The following FLVCR2 variants were observed in gnomAD, a reference collection of about 807,000 sequenced individuals.
The protein encoded by FLVCR2 is FLVCR choline and putative heme transporter 2.
FLVCR2 carries 38 observed loss-of-function variants against 48.9 expected under a neutral mutation model. The ratio of observed to expected loss-of-function variants is 0.78; its 90% CI spans 0.60 to 1.02. The LOEUF (loss-of-function observed/expected upper bound fraction) is 1.02. Among genes scored for constraint, FLVCR2 ranks in the 50% least tolerant of loss-of-function variants. The pLI is 0.00. For missense variants in FLVCR2, 664 were observed against 663.3 expected, an observed-to-expected ratio of 1.00 and a Z score of -0.01; for synonymous variants, 255 against 257.0, an observed-to-expected ratio of 0.99 and a Z score of 0.07.
chr14:75,619,724 C>T (rs1390473382), intron 1 of FLVCR2, among the ~76,000 whole-genome samples: 1 of 152,192 alleles, frequency 6.6e-6, no homozygotes, highest in African/African-American at 2.4e-5. Flanking sequence ...TACCATGAGA[C>T]AGTGTTGCTG....
At chr14:75,588,923 A>C (rs1198661279) in intron 1 of FLVCR2, among the ~76,000 whole-genome samples, 1 of 152,194 alleles carries the variant, frequency 6.6e-6, no homozygotes, top group Non-Finnish European at 1.5e-5. Flanking sequence ...GCATCAACTC[A>C]AATGCCCAAA....
intron 2 of FLVCR2, among the ~76,000 whole-genome samples, chr14:75,623,375 A>G (rs1172994929): frequency 6.6e-6 from 1 of 152,034 alleles, no homozygotes; most frequent in African/African-American, 2.4e-5. Context: ...GCTGGGTGAT[A>G]TTATATGGGC....
intron 9 of FLVCR2, among the ~76,000 whole-genome samples, chr14:75,642,641 A>G (rs1222547917): frequency 6.6e-6 from 1 of 152,250 alleles, no homozygotes; most frequent in African/African-American, 2.4e-5. Context: ...TTGTAGAATA[A>G]GTAAAAAATA....
At chr14:75,582,617 G>A (rs746619637) in intron 1 of FLVCR2, among the ~76,000 whole-genome samples, 42 of 152,124 alleles carry the variant, frequency 2.8e-4, no homozygotes, top group Non-Finnish European at 5.4e-4. Context: ...GTGTGGTCCC[G>A]GCTGTTGTGT....
rs1179859783 is a variant in FLVCR2, at chr14:75,646,362, C to A, written c.1510-39C>A. Reference sequence around the variant, plus strand: ...GCTCCAGCCAGGGTGGAGTGCTGTGCCTTTACCCACAGCACTGCCTGTTTG... The same window carrying A: ...GCTCCAGCCAGGGTGGAGTGCTGTGACTTTACCCACAGCACTGCCTGTTTG... On this transcript the variant is annotated intron_variant, in intron 9 of 9. Transcript: ENST00000238667. 6 of 1,450,678 alleles carry A rather than the reference C, an allele frequency of 4.1e-6. No individual in the cohort carries two copies. In the Admixed American group the frequency reaches 6.7e-5, roughly 16 times the overall value. 89.9% of individuals were successfully genotyped at this position (1,450,678 alleles called of 1,614,324 possible). A position where few individuals can be genotyped will look rare whatever the true frequency, so the allele number is the denominator to read the frequency against.
At chr14:75,608,234 C>T (rs1308373964) in intron 1 of FLVCR2, among the ~76,000 whole-genome samples, 1 of 152,206 alleles carries the variant, frequency 6.6e-6, no homozygotes, top group Non-Finnish European at 1.5e-5. Context: ...CTCCATCATC[C>T]TTACCGTAGG....
At chr14:75,614,686 G>A (rs7141851) in intron 1 of FLVCR2, among the ~76,000 whole-genome samples, 15,697 of 152,136 alleles carry the variant, frequency 0.1, 2,469 homozygotes, top group African/African-American at 0.34. Context: ...CTGTTTTCAC[G>A]CTGTGATAAA....
At chr14:75,639,252 A>G (rs1890243326) in intron 5 of FLVCR2, 100 bp from the exon 6 acceptor site, 4 of 803,722 alleles carry the variant, frequency 5.0e-6, no homozygotes, top group Non-Finnish European at 6.5e-6. Flanking sequence ...AGAGGGCTTG[A>G]CATGCGGCAG....
At chr14:75,591,165 T>C (rs1888867620) in intron 1 of FLVCR2, among the ~76,000 whole-genome samples, 1 of 152,214 alleles carries the variant, frequency 6.6e-6, no homozygotes. Flanking sequence ...CACCTCAGCC[T>C]GCCAAGTAGC....
rs74067114 is a variant in FLVCR2, at chr14:75,614,551, C to T, written c.670-7528C>T. ...GGATAACTTGGGATAAAGGTATAGA[C>T]GAGATGATGGGAAGGTTGGAATCAT... On this transcript the variant is annotated intron_variant, in intron 1 of 9. Coordinates refer to ENST00000238667, the MANE Select transcript of FLVCR2 (RefSeq NM_017791.3). 7.6e-3 allele frequency among the ~76,000 whole-genome samples: 1,152 copies of T among 152,094 alleles called. 18 individuals are homozygous for T. The highest frequency in any genetic ancestry group is 0.026 in the African/African-American group (1,087 of 41,462).
At chr14:75,591,368 T>A (rs1410049987) in intron 1 of FLVCR2, among the ~76,000 whole-genome samples, 1 of 152,198 alleles carries the variant, frequency 6.6e-6, no homozygotes, top group Non-Finnish European at 1.5e-5. Context: ...ATCTTAAACC[T>A]CCAGAATAAT....
intron 1 of FLVCR2, among the ~76,000 whole-genome samples, chr14:75,583,481 G>T (rs1441888510): frequency 6.6e-6 from 1 of 152,118 alleles, no homozygotes; most frequent in Non-Finnish European, 1.5e-5. Flanking sequence ...GCTCGTGATC[G>T]GTTGCCAGGG....
chr14:75,624,705 C>A lies in FLVCR2; in HGVS notation c.905C>A (p.Ala302Asp), dbSNP rs183200579. The change falls in exon 3 of 10, where the codon GCC becomes GAC. Residue 302 changes from alanine (A) to aspartate (D), a missense_variant. By Grantham distance (126) the Ala-to-Asp change is moderately radical. Transcript: ENST00000238667. ...SPDASYLGSI[A>D]RLFKNLNFVL... ...GATGCCTCATACTTAGGTTCCATCG[C>A]CCGGCTCTTCAAAAATCTCAACTTT... is the stretch of plus-strand genomic sequence containing the variant. 235 of 1,614,160 alleles carry A rather than the reference C, an allele frequency of 1.5e-4. 1 individual carries two copies. The East Asian group carries it at 4.9e-3, about 33-fold the overall frequency.
At chr14:75,616,026 C>CAAA (rs10629813) in intron 1 of FLVCR2, among the ~76,000 whole-genome samples, 1,765 of 25,568 alleles carry the variant, frequency 0.069, 375 homozygotes, top group East Asian at 0.4. Flanking sequence ...GACTCCATCT[C>CAAA]AAAAAAAAAA....
At chr14:75,624,563 G>C in intron 2 of FLVCR2, 49 bp from the exon 3 acceptor site, 1 of 1,612,360 alleles carries the variant, frequency 6.2e-7, no homozygotes. Context: ...CAGCTCTTCT[G>C]GGGTGGGACC....
chr14:75,607,722 T>C (rs569801900), intron 1 of FLVCR2, among the ~76,000 whole-genome samples: 1 of 152,188 alleles, frequency 6.6e-6, no homozygotes, highest in African/African-American at 2.4e-5. Flanking sequence ...TGTAGGTGCC[T>C]TGAAAATGGT....
chr14:75,634,790 G>T, intron 4 of FLVCR2, 120 bp from the exon 5 acceptor site: 1 of 711,764 alleles, frequency 1.4e-6, no homozygotes, highest in South Asian at 1.5e-5. Flanking sequence ...GATATGTTCT[G>T]AATATTGACT....
At chr14:75,628,829 T>C (rs1889969019) in intron 3 of FLVCR2, among the ~76,000 whole-genome samples, 1 of 152,164 alleles carries the variant, frequency 6.6e-6, no homozygotes, top group Non-Finnish European at 1.5e-5. Context: ...CATTGGAGTG[T>C]TCTGAATGGA....
At chr14:75,581,002 G>T (rs951927113) in intron 1 of FLVCR2, among the ~76,000 whole-genome samples, 2 of 152,244 alleles carry the variant, frequency 1.3e-5, no homozygotes, top group African/African-American at 4.8e-5. Flanking sequence ...AATTTTGGGG[G>T]TGGTATGGAG....
Sources: gnomAD v4.1 joint callset for allele counts (sites outside exome capture counted in the v4.1 genomes callset) on GRCh38, gnomAD v4.1.1 for gene constraint, MANE v1.5 for transcripts, NCBI Gene and HGNC (gene_info 2026-07-23, HGNC 2026-07-21) for gene names.